RHBDL3: variants seen among roughly 807,000 people sequenced by gnomAD.
RHBDL3 encodes the protein rhomboid like 3.
RHBDL3 carries 28 observed loss-of-function variants against 48.2 expected under a neutral mutation model. That is an observed-to-expected ratio of 0.58 (90% CI 0.43 to 0.80). The LOEUF (loss-of-function observed/expected upper bound fraction) is 0.80, where lower values mean the gene tolerates loss of function less well. Ranked by LOEUF, RHBDL3 falls within the 30% of genes least tolerant of loss-of-function variation. The pLI is 0.00. For synonymous variants in RHBDL3, 208 were observed against 232.3 expected, an observed-to-expected ratio of 0.90 and a Z score of 0.95; for missense variants, 464 against 542.7, an observed-to-expected ratio of 0.85 and a Z score of 1.44.
chr17:32,309,475 C>T (rs2040789326), intron 7 of RHBDL3, among the ~76,000 whole-genome samples: 1 of 151,988 alleles, frequency 6.6e-6, no homozygotes, highest in Admixed American at 6.6e-5. Context: ...TTGTTTGAAC[C>T]CAGGAGGTGG....
chr17:32,298,219 C>T lies in RHBDL3; in HGVS notation c.781+15C>T, dbSNP rs764715230. On this transcript the variant is annotated intron_variant, in intron 6 of 8. Coordinates refer to ENST00000269051, the MANE Select transcript of RHBDL3 (RefSeq NM_138328.3). The stretch of plus-strand genomic sequence containing the variant: ...TGTTGTGGCAGGTAGGCAGGTAGGC[C>T]CCGTGTCCACAAAGGCACACTGCCC... 8 of 1,569,024 alleles carry T rather than the reference C, an allele frequency of 5.1e-6. No individual in the cohort carries two copies. The South Asian group carries it at 7.8e-5, about 15-fold the overall frequency.
intron 5 of RHBDL3, among the ~76,000 whole-genome samples, chr17:32,294,955 G>A (rs1205669397): frequency 6.6e-6 from 1 of 152,158 alleles, no homozygotes; most frequent in African/African-American, 2.4e-5. Context: ...GGTTCTCACT[G>A]GTGCCTCCCA....
chr17:32,307,808 CT>C (rs1166618791), intron 7 of RHBDL3, among the ~76,000 whole-genome samples: 3 of 152,158 alleles, frequency 2.0e-5, no homozygotes, highest in Non-Finnish European at 2.9e-5. Flanking sequence ...CCAGACACAG[CT>C]TTTCCTCTGA....
At chr17:32,290,584 G>A (rs1486584951) in intron 4 of RHBDL3, among the ~76,000 whole-genome samples, 1 of 152,150 alleles carries the variant, frequency 6.6e-6, no homozygotes, top group Non-Finnish European at 1.5e-5. Flanking sequence ...ATAGAAAATA[G>A]GAGGGACATG....
At chr17:32,298,502 G>A (rs534001557) in intron 6 of RHBDL3, among the ~76,000 whole-genome samples, 81 of 152,354 alleles carry the variant, frequency 5.3e-4, no homozygotes, top group Non-Finnish European at 7.9e-4. Context: ...CTGAGCTTGG[G>A]GAAATTTCCT....
chr17:32,284,968 C>T (rs760558960), intron 3 of RHBDL3, 151 bp downstream of exon 3: 50 of 688,420 alleles, frequency 7.3e-5, no homozygotes, highest in Non-Finnish European at 1.0e-4. Flanking sequence ...CCACCAAGGA[C>T]TCATCTTCTC....
chr17:32,321,109 C>T lies in RHBDL3; in HGVS notation c.1095C>T (p.Leu365=), dbSNP rs1226089559. Residue 365 remains leucine (L), a synonymous_variant, in exon 9 of 9, where the codon CTC becomes CTT. Coordinates refer to ENST00000269051, the MANE Select transcript of RHBDL3 (RefSeq NM_138328.3). ...TCCTGAGGAACTACGAGCAGAGGCT[C>T]CAGGACCAGTCACTGTGGTGGATTT... The part of the protein sequence containing the change: ...VVVLRNYEQR[L]QDQSLWWIFV... The T allele has an allele frequency of 6.2e-7, 1 of 1,614,254 alleles. No individual in the cohort carries two copies. Among genetic ancestry groups the T allele is most frequent in the Non-Finnish European group, 8.5e-7 (1 of 1,180,032 alleles).
At chr17:32,318,132 C>T (rs536294364) in intron 8 of RHBDL3, among the ~76,000 whole-genome samples, 202 of 151,806 alleles carry the variant, frequency 1.3e-3, no homozygotes, top group Non-Finnish European at 2.3e-3. Flanking sequence ...AGGAAGATCT[C>T]TTGAGCCTAG....
In RHBDL3 at chr17:32,322,252, G is replaced by C. The variant is rs549248043; in HGVS notation, c.*1023G>C. On this transcript the variant is annotated 3_prime_UTR_variant, in exon 9 of 9. Transcript: ENST00000269051. ...GCATCCGTGAGAGGTGGCAGACCGT[G>C]GTGTGCTGTGGTTGCTGAATGTCCT... 7 of 152,614 alleles carry C rather than the reference G, an allele frequency of 4.6e-5. No homozygotes were observed. In the East Asian group the frequency reaches 1.4e-3, roughly 29 times the overall value. The allele number at this position is 152,614 out of a possible 1,614,324, so 9.5% of individuals were successfully genotyped here.
At position 32,298,076 on chromosome 17, in the gene RHBDL3, G is replaced by A. The variant is rs2040495239; in HGVS notation, c.669-16G>A. 2 of 1,527,046 alleles carry A rather than the reference G, an allele frequency of 1.3e-6. No homozygotes were observed. The highest frequency in any genetic ancestry group is 1.7e-5 in the Admixed American group (1 of 59,332). 94.6% of individuals were successfully genotyped at this position (1,527,046 alleles called of 1,614,324 possible). A position where few individuals can be genotyped will look rare whatever the true frequency, so the allele number is the denominator to read the frequency against. The stretch of plus-strand genomic sequence containing the variant: ...AATGAATAGATGAATGAGTGAGTGT[G>A]GTCTCTCTGTCACAGGATAGAACAC... On this transcript the variant is annotated splice_polypyrimidine_tract_variant and intron_variant, in intron 5 of 8. Transcript: ENST00000269051.
intron 2 of RHBDL3, among the ~76,000 whole-genome samples, chr17:32,271,055 T>A (rs1051526112): frequency 1.2e-4 from 19 of 152,076 alleles, no homozygotes; most frequent in African/African-American, 1.9e-4. Context: ...TAAAAAAAAA[T>A]TTGTTAAAGA....
chr17:32,300,530 G>A (rs2040557249), intron 6 of RHBDL3, among the ~76,000 whole-genome samples: 1 of 152,018 alleles, frequency 6.6e-6, no homozygotes, highest in South Asian at 2.1e-4. Context: ...CTCCAGCCTG[G>A]GTGACAGAGC....
At chr17:32,296,121 G>C (rs368337721) in intron 5 of RHBDL3, among the ~76,000 whole-genome samples, 1 of 151,420 alleles carries the variant, frequency 6.6e-6, no homozygotes, top group African/African-American at 2.4e-5. Context: ...CCACCTACTC[G>C]GGAGGCTGAG....
chr17:32,284,825 C>T lies in RHBDL3; in HGVS notation c.294+8C>T. On this transcript the variant is annotated splice_region_variant and intron_variant, in intron 3 of 8. Transcript: ENST00000269051. ...CAGGATTTTGTCAGCCTAGTGAGTG[C>T]TCTGGGGCCCTTGGTACTCGGGGGG... is the stretch of plus-strand genomic sequence containing the variant. 1 of 1,612,332 alleles carries T rather than the reference C, an allele frequency of 6.2e-7. No homozygotes were observed. Among genetic ancestry groups the T allele is most frequent in the Non-Finnish European group, 8.5e-7 (1 of 1,178,870 alleles).
At chr17:32,285,986 G>A (rs188778730) in intron 3 of RHBDL3, among the ~76,000 whole-genome samples, 1 of 152,330 alleles carries the variant, frequency 6.6e-6, no homozygotes, top group Admixed American at 6.5e-5. Context: ...TAGGAGTGGA[G>A]GAATCGACTG....
At chr17:32,304,827 T>C (rs953022326) in intron 6 of RHBDL3, among the ~76,000 whole-genome samples, 2 of 152,068 alleles carry the variant, frequency 1.3e-5, no homozygotes, top group Non-Finnish European at 2.9e-5. Context: ...CTCTAAGAAA[T>C]GCACTGGAGG....
At chr17:32,295,118 C>T (rs2040418642) in intron 5 of RHBDL3, among the ~76,000 whole-genome samples, 1 of 152,208 alleles carries the variant, frequency 6.6e-6, no homozygotes, top group South Asian at 2.1e-4. Flanking sequence ...CTTCTGTAGC[C>T]TCTCCAGAGA....
chr17:32,283,606 A>G (rs937685720), intron 2 of RHBDL3, among the ~76,000 whole-genome samples: 2 of 151,926 alleles, frequency 1.3e-5, no homozygotes, highest in African/African-American at 2.4e-5. Flanking sequence ...TACAGGCTTG[A>G]GCCACTGCGC....
At chr17:32,303,379 CA>C (rs1358006942) in intron 6 of RHBDL3, among the ~76,000 whole-genome samples, 7 of 152,330 alleles carry the variant, frequency 4.6e-5, no homozygotes, top group Non-Finnish European at 8.8e-5. Context: ...CCCTGCAATG[CA>C]GCCTTCGAAG....
Sources: gnomAD v4.1 joint callset for allele counts (sites outside exome capture counted in the v4.1 genomes callset) on GRCh38, gnomAD v4.1.1 for gene constraint, MANE v1.5 for transcripts, NCBI Gene and HGNC (gene_info 2026-07-23, HGNC 2026-07-21) for gene names.